The following RNLS variants were observed in gnomAD, a reference collection of about 807,000 sequenced individuals.
The protein encoded by RNLS is renalase.
Under a neutral mutation model 39.8 loss-of-function variants are expected in RNLS, and 39 were observed. The ratio of observed to expected loss-of-function variants is 0.98; its 90% CI spans 0.76 to 1.28. The LOEUF is 1.28. RNLS is among the 50% of genes most tolerant of loss of function. RNLS has a pLI of 0.00. For missense variants in RNLS, 410 were observed against 413.3 expected (o/e 0.99, Z 0.07); for synonymous variants, 147 against 150.7 (o/e 0.98, Z 0.18).
At chr10:88,365,561 G>A (rs140678069) in intron 4 of RNLS, among the ~76,000 whole-genome samples, 284 of 146,756 alleles carry the variant, frequency 1.9e-3, no homozygotes, top group Non-Finnish European at 3.5e-3. Flanking sequence ...ACACACGTAC[G>A]TATATGTAGG....
intron 5 of RNLS, among the ~76,000 whole-genome samples, chr10:88,320,382 C>T (rs1189071939): frequency 6.6e-6 from 1 of 151,346 alleles, no homozygotes; most frequent in Non-Finnish European, 1.5e-5. Flanking sequence ...AAAGCAATTA[C>T]ACAATTGAGA....
At chr10:88,245,650 T>C in the RNLS span, among the ~76,000 whole-genome samples, 2 of 152,258 alleles carry the variant, frequency 1.3e-5, no homozygotes, top group Admixed American at 1.3e-4. Flanking sequence ...TCATTTTTTT[T>C]TCTTTTCAAA....
intron 6 of RNLS, among the ~76,000 whole-genome samples, chr10:88,277,897 T>C (rs1397100948): frequency 6.6e-6 from 1 of 152,186 alleles, no homozygotes; most frequent in Non-Finnish European, 1.5e-5. Flanking sequence ...CGTTTCTAAA[T>C]TTATCATGTT....
At chr10:88,264,120 T>C in the RNLS span, among the ~76,000 whole-genome samples, 1 of 152,328 alleles carries the variant, frequency 6.6e-6, no homozygotes, top group African/African-American at 2.4e-5. Flanking sequence ...TGGTCTCCAA[T>C]TCCATCCAGG....
chr10:88,308,265 T>A (rs192308279), intron 6 of RNLS, among the ~76,000 whole-genome samples: 141 of 152,116 alleles, frequency 9.3e-4, no homozygotes, highest in Admixed American at 1.8e-3. Context: ...CCAAAAGCAA[T>A]TGCAACAAAA....
intron 5 of RNLS, among the ~76,000 whole-genome samples, chr10:88,323,429 C>T (rs898506583): frequency 6.6e-6 from 1 of 151,988 alleles, no homozygotes; most frequent in Non-Finnish European, 1.5e-5. Context: ...GAACAGAATA[C>T]GGAACACAGA....
At chr10:88,188,231 A>AT in the RNLS span, among the ~76,000 whole-genome samples, 9 of 152,022 alleles carry the variant, frequency 5.9e-5, no homozygotes, top group East Asian at 1.7e-3. Flanking sequence ...TAATTTTTGT[A>AT]TTTTTAGTGG....
At chr10:88,323,430 G>A (rs11202712) in intron 5 of RNLS, among the ~76,000 whole-genome samples, 60,347 of 151,784 alleles carry the variant, frequency 0.4, 12,305 homozygotes, top group East Asian at 0.53. Context: ...AACAGAATAC[G>A]GAACACAGAA....
At chr10:88,221,613 A>C in the RNLS span, among the ~76,000 whole-genome samples, 4 of 152,218 alleles carry the variant, frequency 2.6e-5, no homozygotes, top group African/African-American at 9.6e-5. Context: ...TGTGAGCATC[A>C]ATTATCACTT....
At chr10:88,446,557 TAGAATG>T (rs1434578427) in intron 4 of RNLS, among the ~76,000 whole-genome samples, 2 of 152,010 alleles carry the variant, frequency 1.3e-5, no homozygotes, top group South Asian at 4.1e-4. Flanking sequence ...AGAAAATTGA[TAGAATG>T]CTAGTAAGAC....
intron 4 of RNLS, among the ~76,000 whole-genome samples, chr10:88,483,217 T>C (rs556625406): frequency 2.8e-4 from 42 of 152,282 alleles, no homozygotes; most frequent in African/African-American, 9.6e-4. Context: ...CAGATTATCA[T>C]ATGCCTCTGT....
At position 88,284,839 on chromosome 10, in the gene RNLS, C is replaced by G; in HGVS notation, c.*515G>C. On this transcript the variant is annotated 3_prime_UTR_variant, in exon 7 of 7. Transcript: ENST00000331772. ...ATATATGACCTACAATTCAGGATCA[C>G]TTAATAACTTGGGGGATAAATGAGA... 1.0e-6 allele frequency: 1 copy of G among 985,396 alleles called. No individual in the cohort carries two copies. The highest frequency in any genetic ancestry group is 1.2e-6 in the Non-Finnish European group (1 of 829,952). 61.0% of individuals were successfully genotyped at this position (985,396 alleles called of 1,614,324 possible).
the RNLS span, among the ~76,000 whole-genome samples, chr10:88,240,044 GATATA>G: frequency 6.6e-6 from 1 of 152,114 alleles, no homozygotes; most frequent in Admixed American, 6.6e-5. Context: ...CATAATGAAA[GATATA>G]ATAGAGCAAG....
At chr10:88,174,108 C>A in the RNLS span, among the ~76,000 whole-genome samples, 2 of 151,952 alleles carry the variant, frequency 1.3e-5, no homozygotes, top group Admixed American at 1.3e-4. Flanking sequence ...TTGTATCTTG[C>A]AACTTTACTG....
downstream of RNLS, among the ~76,000 whole-genome samples, chr10:88,280,192 A>C (rs1842959947): frequency 6.6e-6 from 1 of 152,128 alleles, no homozygotes; most frequent in Non-Finnish European, 1.5e-5. Flanking sequence ...TTAAGGTTTT[A>C]TATGAACGTA....
chr10:88,208,703 T>C, the RNLS span, among the ~76,000 whole-genome samples: 1 of 152,140 alleles, frequency 6.6e-6, no homozygotes, highest in Non-Finnish European at 1.5e-5. Context: ...TAAATGCTGC[T>C]TATCTACAGA....
the RNLS span, among the ~76,000 whole-genome samples, chr10:88,245,669 T>C: frequency 2.0e-5 from 3 of 152,218 alleles, no homozygotes; most frequent in African/African-American, 7.2e-5. Flanking sequence ...AATACTATTC[T>C]ATTTCATGAT....
intron 4 of RNLS, among the ~76,000 whole-genome samples, chr10:88,370,209 C>T (rs1850442791): frequency 6.6e-6 from 1 of 152,064 alleles, no homozygotes; most frequent in Non-Finnish European, 1.5e-5. Context: ...TTATAAAGGT[C>T]TATTTTTTCA....
intron 6 of RNLS, among the ~76,000 whole-genome samples, chr10:88,286,043 A>G (rs965478573): frequency 6.6e-6 from 1 of 152,068 alleles, no homozygotes; most frequent in Non-Finnish European, 1.5e-5. Flanking sequence ...CAGTGCCTTG[A>G]TCTTGCTCTT....
Sources: gnomAD v4.1 joint callset for allele counts (sites outside exome capture counted in the v4.1 genomes callset) on GRCh38, gnomAD v4.1.1 for gene constraint, MANE v1.5 for transcripts, NCBI Gene and HGNC (gene_info 2026-07-23, HGNC 2026-07-21) for gene names.